Variants in NKAIN2 observed in about 807,000 individuals in gnomAD.
NKAIN2 encodes the protein sodium/potassium-transporting ATPase subunit beta-1-interacting protein 2.
Under a neutral mutation model 32.6 loss-of-function variants are expected in NKAIN2, and 14 were observed. That is an observed-to-expected ratio of 0.43 (90% confidence interval 0.28 to 0.67). The LOEUF (loss-of-function observed/expected upper bound fraction) is 0.67, where lower values mean the gene tolerates loss of function less well. Among genes scored for constraint, NKAIN2 ranks in the 30% least tolerant of loss-of-function variants. The probability of loss-of-function intolerance (pLI) is 0.17; values close to 1 mark genes in which losing one functional copy is unlikely to be tolerated. For missense variants in NKAIN2, 198 were observed against 258.3 expected (o/e 0.77, Z 1.60); for synonymous variants, 80 against 87.2 (o/e 0.92, Z 0.46).
At chr6:124,802,053 C>T (rs1010627753) in intron 5 of NKAIN2, among the ~76,000 whole-genome samples, 5 of 152,024 alleles carry the variant, frequency 3.3e-5, no homozygotes, top group Non-Finnish European at 5.9e-5. Context: ...TACTGTTGTT[C>T]TAAGAAGATG....
At chr6:124,753,916 A>G (rs939410382) in intron 4 of NKAIN2, among the ~76,000 whole-genome samples, 2 of 152,098 alleles carry the variant, frequency 1.3e-5, no homozygotes, top group Non-Finnish European at 2.9e-5. Flanking sequence ...TGAGTGATTC[A>G]AACTTTACGT....
intron 3 of NKAIN2, among the ~76,000 whole-genome samples, chr6:124,473,860 G>A (rs1186625398): frequency 1.3e-5 from 2 of 152,090 alleles, no homozygotes; most frequent in Non-Finnish European, 2.9e-5. Context: ...CTTGGAAAAA[G>A]TAAAACAAAA....
intron 4 of NKAIN2, among the ~76,000 whole-genome samples, chr6:124,687,707 GAATAT>G (rs1267641678): frequency 3.4e-4 from 3 of 8,938 alleles, no homozygotes; most frequent in Non-Finnish European, 8.5e-4. Context: ...GTGAATATAT[GAATAT>G]AATATATATA....
At chr6:124,136,472 T>C (rs80181888) in intron 1 of NKAIN2, among the ~76,000 whole-genome samples, 4,463 of 152,140 alleles carry the variant, frequency 0.029, 186 homozygotes, top group East Asian at 0.12. Flanking sequence ...TTCCAAAAGA[T>C]GGGGATAGAA....
At chr6:124,571,154 T>C (rs1458118099) in intron 3 of NKAIN2, among the ~76,000 whole-genome samples, 1 of 152,288 alleles carries the variant, frequency 6.6e-6, no homozygotes, top group East Asian at 1.9e-4. Context: ...GTACCGCCAT[T>C]GTATCTAGGA....
chr6:123,872,277 A>G (rs1175157078), intron 1 of NKAIN2, among the ~76,000 whole-genome samples: 1 of 152,246 alleles, frequency 6.6e-6, no homozygotes, highest in Non-Finnish European at 1.5e-5. Context: ...AAGTTCACAT[A>G]TGAGTGTAAT....
At chr6:124,412,270 G>T (rs192395984) in intron 3 of NKAIN2, among the ~76,000 whole-genome samples, 1 of 152,038 alleles carries the variant, frequency 6.6e-6, no homozygotes, top group African/African-American at 2.4e-5. Context: ...TAGAGTTTCT[G>T]GTTTTTCTGC....
intron 1 of NKAIN2, among the ~76,000 whole-genome samples, chr6:124,182,533 AT>A: frequency 6.6e-6 from 1 of 152,270 alleles, no homozygotes; most frequent in Non-Finnish European, 1.5e-5. Context: ...TGTTGGATTG[AT>A]TTTTTAATGC....
At chr6:123,936,834 A>T (rs1242573048) in intron 1 of NKAIN2, among the ~76,000 whole-genome samples, 1 of 152,144 alleles carries the variant, frequency 6.6e-6, no homozygotes, top group Non-Finnish European at 1.5e-5. Flanking sequence ...ATTACAGTAC[A>T]TGGTGTTCAA....
intron 1 of NKAIN2, among the ~76,000 whole-genome samples, chr6:124,189,761 G>T (rs1370807977): frequency 5.7e-4 from 87 of 152,318 alleles, no homozygotes; most frequent in African/African-American, 1.8e-3. Flanking sequence ...CACAATGCCA[G>T]AAACTAGCAC....
At chr6:124,773,521 C>A (rs112644268) in intron 4 of NKAIN2, among the ~76,000 whole-genome samples, 3 of 152,062 alleles carry the variant, frequency 2.0e-5, no homozygotes, top group African/African-American at 7.2e-5. Flanking sequence ...GTTTATAGGC[C>A]TGCAGGCTGG....
intron 4 of NKAIN2, among the ~76,000 whole-genome samples, chr6:124,740,447 CGTGTGTGT>C (rs56154164): frequency 2.7e-4 from 39 of 143,852 alleles, no homozygotes; most frequent in African/African-American, 9.0e-4. Context: ...CACATATACA[CGTGTGTGT>C]GTGTGTGTGT....
At chr6:124,225,999 T>C (rs975825058) in intron 1 of NKAIN2, among the ~76,000 whole-genome samples, 1 of 152,000 alleles carries the variant, frequency 6.6e-6, no homozygotes, top group Non-Finnish European at 1.5e-5. Context: ...TGGCCTTCTG[T>C]TTACTATAAA....
At chr6:124,698,184 T>A (rs1774594030) in intron 4 of NKAIN2, among the ~76,000 whole-genome samples, 1 of 152,206 alleles carries the variant, frequency 6.6e-6, no homozygotes, top group Non-Finnish European at 1.5e-5. Flanking sequence ...ATCCTGGTTT[T>A]TATCTAAGCC....
chr6:124,194,647 G>A (rs1187129522), intron 1 of NKAIN2, among the ~76,000 whole-genome samples: 3 of 151,916 alleles, frequency 2.0e-5, no homozygotes, highest in East Asian at 1.9e-4. Context: ...GTCATAGATG[G>A]CTTAGGTATT....
intron 1 of NKAIN2, among the ~76,000 whole-genome samples, chr6:123,866,859 C>G (rs942391118): frequency 6.6e-6 from 1 of 152,166 alleles, no homozygotes; most frequent in Non-Finnish European, 1.5e-5. Flanking sequence ...CTGGATTGCT[C>G]TTTTCCTCTT....
chr6:124,152,079 T>A (rs111838583), intron 1 of NKAIN2, among the ~76,000 whole-genome samples: 8 of 152,018 alleles, frequency 5.3e-5, no homozygotes, highest in African/African-American at 1.7e-4. Flanking sequence ...AGAAAACTTA[T>A]TACCTTATTT....
At chr6:124,516,054 G>A (rs143404100) in intron 3 of NKAIN2, among the ~76,000 whole-genome samples, 14 of 152,060 alleles carry the variant, frequency 9.2e-5, no homozygotes, top group Middle Eastern at 3.4e-3. Flanking sequence ...TATCTTCCTC[G>A]CACTATTCTA....
At chr6:124,479,752 A>G (rs769042836) in intron 3 of NKAIN2, among the ~76,000 whole-genome samples, 3 of 150,064 alleles carry the variant, frequency 2.0e-5, no homozygotes, top group Non-Finnish European at 4.4e-5. Context: ...TTGGGAGCTT[A>G]TGGAAAAATT....
Sources: allele counts gnomAD v4.1 joint callset (sites outside exome capture counted in the v4.1 genomes callset), GRCh38; gene constraint gnomAD v4.1.1; transcripts MANE v1.5; gene names NCBI Gene and HGNC (gene_info 2026-07-23, HGNC 2026-07-21).